Variants in APBB2 observed in about 807,000 individuals in gnomAD.
APBB2 encodes the protein amyloid beta precursor protein binding family B member 2.
In APBB2, 38 loss-of-function variants were observed where a neutral mutation model predicts 82.5. The ratio of observed to expected loss-of-function variants is 0.46; its 90% CI spans 0.36 to 0.60. The LOEUF (loss-of-function observed/expected upper bound fraction) is 0.60, where lower values mean the gene tolerates loss of function less well. Ranked by LOEUF, APBB2 falls within the 20% of genes least tolerant of loss-of-function variation. APBB2 has a pLI of 0.00. For synonymous variants in APBB2, 341 were observed against 368.2 expected (o/e 0.93, Z 0.85); for missense variants, 772 against 972.3 (o/e 0.79, Z 2.74).
chr4:40,859,843 T>C (rs1762338320), intron 12 of APBB2, among the ~76,000 whole-genome samples: 1 of 152,174 alleles, frequency 6.6e-6, no homozygotes, highest in Non-Finnish European at 1.5e-5. Context: ...GCCCAGCTAC[T>C]TCCCACCTCA....
At chr4:40,871,697 G>A (rs1278236635) in intron 12 of APBB2, among the ~76,000 whole-genome samples, 2 of 152,242 alleles carry the variant, frequency 1.3e-5, no homozygotes, top group Non-Finnish European at 2.9e-5. Flanking sequence ...GACTAATGGA[G>A]ATAGACCCTC....
At chr4:40,927,314 A>AGC (rs1387772531) in intron 10 of APBB2, among the ~76,000 whole-genome samples, 1 of 152,216 alleles carries the variant, frequency 6.6e-6, no homozygotes, top group Non-Finnish European at 1.5e-5. Flanking sequence ...AGCAGGATGG[A>AGC]GCGGTCAGAG....
intron 12 of APBB2, among the ~76,000 whole-genome samples, chr4:40,836,255 T>C (rs1753905791): frequency 6.6e-6 from 1 of 152,062 alleles, no homozygotes; most frequent in African/African-American, 2.4e-5. Flanking sequence ...GGCGGGTGGA[T>C]CTCTTCAGGT....
At chr4:41,094,495 G>A (rs971857920) in intron 3 of APBB2, among the ~76,000 whole-genome samples, 2 of 152,228 alleles carry the variant, frequency 1.3e-5, no homozygotes, top group Non-Finnish European at 2.9e-5. Flanking sequence ...AACTGCAACT[G>A]AAGCTTTACC....
intron 10 of APBB2, among the ~76,000 whole-genome samples, chr4:40,915,092 G>A (rs547855716): frequency 3.9e-5 from 6 of 152,170 alleles, no homozygotes; most frequent in Non-Finnish European, 5.9e-5. Flanking sequence ...CACTTTATCC[G>A]ACTCTTGTCC....
At chr4:41,206,393 G>A (rs1288916344) in intron 1 of APBB2, among the ~76,000 whole-genome samples, 1 of 152,186 alleles carries the variant, frequency 6.6e-6, no homozygotes, top group Non-Finnish European at 1.5e-5. Context: ...CTGTCCTCCT[G>A]AACTTAGCAC....
chr4:41,176,563 G>C (rs995710405), intron 1 of APBB2, among the ~76,000 whole-genome samples: 3 of 151,950 alleles, frequency 2.0e-5, no homozygotes, highest in African/African-American at 7.3e-5. Context: ...ATGAGACACT[G>C]CAAAACATTT....
intron 12 of APBB2, among the ~76,000 whole-genome samples, chr4:40,836,736 C>A (rs1257763588): frequency 2.0e-5 from 3 of 152,178 alleles, no homozygotes; most frequent in Non-Finnish European, 4.4e-5. Context: ...ACAGGGAGGT[C>A]TGCAGTGACC....
chr4:40,827,015 CTGAGT>C (rs1165968808), intron 14 of APBB2, 112 bp downstream of exon 14: 80 of 892,844 alleles, frequency 9.0e-5, no homozygotes, highest in Non-Finnish European at 9.0e-5. Flanking sequence ...CTTGTGCTTA[CTGAGT>C]TGAGTGTGCT....
chr4:41,195,849 G>C, intron 1 of APBB2, among the ~76,000 whole-genome samples: 6 of 152,086 alleles, frequency 3.9e-5, no homozygotes, highest in African/African-American at 1.4e-4. Flanking sequence ...ACTCTTTCAA[G>C]TCCTCTCCTC....
intron 10 of APBB2, among the ~76,000 whole-genome samples, chr4:40,918,757 CTGTTTTTTTTTTTGTTTGTTTGTTTT>C (rs1780518114): frequency 8.9e-6 from 1 of 112,090 alleles, no homozygotes; most frequent in Non-Finnish European, 1.8e-5. Flanking sequence ...TATTTTTTCT[CTGTTTTTTTTTTTGTTTGTTTGTTTT>C]TGTTTTTTTT....
intron 4 of APBB2, 39 bp from the exon 5 acceptor site, chr4:41,033,343 A>C (rs1560574771): frequency 1.6e-6 from 2 of 1,259,974 alleles, no homozygotes; most frequent in Non-Finnish European, 2.2e-6. Context: ...AAAACTCCAA[A>C]TAACAAAGCA....
At chr4:41,024,245 A>C (rs1184341280) in intron 5 of APBB2, among the ~76,000 whole-genome samples, 1 of 152,224 alleles carries the variant, frequency 6.6e-6, no homozygotes, top group East Asian at 1.9e-4. Context: ...AGACAGCCTA[A>C]GCAATACCAT....
chr4:40,909,873 C>T lies in APBB2; in HGVS notation c.1255-16462G>A, dbSNP rs551381292. On this transcript the variant is annotated intron_variant, in intron 10 of 17. Coordinates refer to ENST00000508593, the MANE Select transcript of APBB2 (RefSeq NM_004307.2). Reference sequence around the variant, plus strand: ...CACTTGCCACAAGCTGCATGCTTTACAACATGTAGCACAACATGTTTTCAC... The same window carrying T: ...CACTTGCCACAAGCTGCATGCTTTATAACATGTAGCACAACATGTTTTCAC... Among the ~76,000 whole-genome samples the T allele has an allele frequency of 2.3e-4, 35 of 152,310 alleles. No individual in the cohort carries two copies. The South Asian group carries it at 6.2e-3, about 27-fold the overall frequency.
At position 41,161,170 on chromosome 4, in the gene APBB2, C is replaced by CAAAA. The variant is rs33917178; in HGVS notation, c.-416-18032_-416-18029dup. Among the ~76,000 whole-genome samples the CAAAA allele has an allele frequency of 1.2e-4, 10 of 86,248 alleles. No homozygotes were observed. In the East Asian group the frequency reaches 1.2e-3, roughly 10 times the overall value. 56.6% of individuals were successfully genotyped at this position (86,248 alleles called of 152,430 possible). A position where few individuals can be genotyped will look rare whatever the true frequency, so the allele number is the denominator to read the frequency against. ...CTGCAGCTATGATCCTCTTCCCTGG[C>CAAAA]AAAAAAAAAAAAAAAAAAAAAAAAC... is the stretch of plus-strand genomic sequence containing the variant. On this transcript the variant is annotated intron_variant, in intron 1 of 17. Transcript: ENST00000508593.
chr4:41,157,248 G>A (rs760351107), intron 1 of APBB2, among the ~76,000 whole-genome samples: 2 of 152,098 alleles, frequency 1.3e-5, no homozygotes, highest in Non-Finnish European at 2.9e-5. Context: ...AGGCAGGTCA[G>A]CACAAGGCAA....
At chr4:41,148,339 C>T (rs1032597810) in intron 1 of APBB2, among the ~76,000 whole-genome samples, 8 of 152,186 alleles carry the variant, frequency 5.3e-5, no homozygotes, top group African/African-American at 1.9e-4. Context: ...TCCAGGTCTG[C>T]TACTTATGAC....
chr4:41,051,548 C>T (rs1016567108), intron 4 of APBB2, among the ~76,000 whole-genome samples: 1 of 152,188 alleles, frequency 6.6e-6, no homozygotes, highest in African/African-American at 2.4e-5. Context: ...GACTCCATCC[C>T]TTCCTTGCCC....
intron 10 of APBB2, among the ~76,000 whole-genome samples, chr4:40,911,206 T>C (rs528043408): frequency 1.3e-5 from 2 of 152,096 alleles, no homozygotes; most frequent in African/African-American, 4.8e-5. Context: ...GCAGAATTCA[T>C]AGAGGGTTGA....
Sources: gnomAD v4.1 joint callset for allele counts (sites outside exome capture counted in the v4.1 genomes callset) on GRCh38, gnomAD v4.1.1 for gene constraint, MANE v1.5 for transcripts, NCBI Gene and HGNC (gene_info 2026-07-23, HGNC 2026-07-21) for gene names.